The following TRPM6 variants were observed in gnomAD, a reference collection of about 807,000 sequenced individuals.
TRPM6 encodes the protein transient receptor potential cation channel subfamily M member 6.
TRPM6 carries 111 observed loss-of-function variants against 247.6 expected under a neutral mutation model. The observed-to-expected ratio is 0.45, with a 90% confidence interval of 0.38 to 0.52. The LOEUF (loss-of-function observed/expected upper bound fraction) is 0.52. Among genes scored for constraint, TRPM6 ranks in the 20% least tolerant of loss-of-function variants. The pLI, the probability that TRPM6 is intolerant of heterozygous loss-of-function variation, is 0.00. For synonymous variants in TRPM6, 892 were observed against 853.8 expected, an observed-to-expected ratio of 1.04 and a Z score of -0.78; for missense variants, 2,126 against 2,421.5, an observed-to-expected ratio of 0.88 and a Z score of 2.56.
At chr9:74,843,328 G>A (rs906400275) in intron 3 of TRPM6, among the ~76,000 whole-genome samples, 2 of 151,996 alleles carry the variant, frequency 1.3e-5, no homozygotes, top group South Asian at 4.1e-4. Context: ...CATGAAAGTT[G>A]GGATCAGCAT....
chr9:74,764,950 A>C (rs1456950360), intron 25 of TRPM6, among the ~76,000 whole-genome samples: 3 of 152,212 alleles, frequency 2.0e-5, no homozygotes, highest in Non-Finnish European at 4.4e-5. Context: ...ATGTAATCAG[A>C]GATGAAAATT....
chr9:74,794,692 G>A (rs950137259), intron 18 of TRPM6, among the ~76,000 whole-genome samples: 4 of 152,088 alleles, frequency 2.6e-5, no homozygotes, highest in South Asian at 2.1e-4. Context: ...ACAGTTTGGA[G>A]TGAATTATAA....
chr9:74,727,335 T>C (rs7032290), intron 38 of TRPM6, among the ~76,000 whole-genome samples: 5,616 of 148,786 alleles, frequency 0.038, 357 homozygotes, highest in African/African-American at 0.13. Context: ...TGAGCTGAAA[T>C]TGCGCCACTG....
At position 74,827,888 on chromosome 9, in the gene TRPM6, A is replaced by C. The variant is rs377261600; in HGVS notation, c.731T>G (p.Met244Arg). The C allele has an allele frequency of 6.2e-7, 1 of 1,613,958 alleles. No individual in the cohort carries two copies. The highest frequency in any genetic ancestry group is 8.5e-7 in the Non-Finnish European group (1 of 1,180,032). The change falls in exon 7 of 39, where the codon ATG becomes AGG. Residue 244 changes from methionine (M) to arginine (R), a missense_variant. By Grantham distance (91) the Met-to-Arg change is moderately conservative (BLOSUM62 -1). Around this residue, in one of 3 missense-constraint regions of TRPM6, gnomAD observed 1,082 missense variants for 1,307.9 expected, o/e 0.83. Coordinates refer to ENST00000360774, the MANE Select transcript of TRPM6 (RefSeq NM_017662.5). ...ATCAGACAGGATGAAGTGCGAGTGC[A>C]TGCTGTTGAGTGTTGTGAGCTTGCT... ...PLSKLTTLNS[M>R]HSHFILSDDG...
intron 25 of TRPM6, among the ~76,000 whole-genome samples, chr9:74,768,521 T>C (rs1241747539): frequency 1.3e-5 from 2 of 152,182 alleles, no homozygotes; most frequent in Non-Finnish European, 2.9e-5. Context: ...AACTTATTGC[T>C]TTCTCTCACA....
At chr9:74,728,777 T>G (rs1312969052) in intron 37 of TRPM6, among the ~76,000 whole-genome samples, 1 of 152,196 alleles carries the variant, frequency 6.6e-6, no homozygotes, top group Non-Finnish European at 1.5e-5. Context: ...GCATAGACAT[T>G]GTTTCAAACC....
intron 14 of TRPM6, among the ~76,000 whole-genome samples, chr9:74,804,149 A>G (rs1248082307): frequency 6.6e-6 from 1 of 152,168 alleles, no homozygotes; most frequent in Non-Finnish European, 1.5e-5. Context: ...TTTGTTCCCT[A>G]TTATATATCT....
At chr9:74,836,405 T>C (rs558136544) in intron 5 of TRPM6, among the ~76,000 whole-genome samples, 2 of 152,162 alleles carry the variant, frequency 1.3e-5, no homozygotes, top group Non-Finnish European at 2.9e-5. Flanking sequence ...TCCTCATTCC[T>C]GGCATCTTCC....
chr9:74,732,765 C>A (rs1368775607), intron 36 of TRPM6, 29 bp from the exon 37 acceptor site: 2 of 1,541,748 alleles, frequency 1.3e-6, no homozygotes, highest in Non-Finnish European at 1.8e-6. Flanking sequence ...ATTCGTTTAG[C>A]AAATGGAGAT....
intron 36 of TRPM6, among the ~76,000 whole-genome samples, chr9:74,733,422 G>T (rs540222720): frequency 2.4e-4 from 36 of 152,212 alleles, no homozygotes; most frequent in African/African-American, 7.9e-4. Flanking sequence ...TCAAATGATT[G>T]TTTTAGTGGT....
chr9:74,804,024 G>A lies in TRPM6; in HGVS notation c.1639-138C>T, dbSNP rs1260800862. ...AATAATGAAAACCAAATATAATGTTGTGTCCTACCAAATATCCATGCCTCT... is the reference window on the plus strand; with the variant it reads ...AATAATGAAAACCAAATATAATGTTATGTCCTACCAAATATCCATGCCTCT... On this transcript the variant is annotated intron_variant, in intron 14 of 38. Transcript: ENST00000360774. 3 of 702,996 alleles carry A rather than the reference G, an allele frequency of 4.3e-6. No homozygotes were observed. In the African/African-American group the frequency reaches 5.6e-5, roughly 13 times the overall value. 43.5% of individuals were successfully genotyped at this position (702,996 alleles called of 1,614,324 possible).
chr9:74,853,380 G>A (rs147768734), intron 3 of TRPM6, among the ~76,000 whole-genome samples: 3,152 of 152,322 alleles, frequency 0.021, 105 homozygotes, highest in African/African-American at 0.069. Context: ...CATTGAGGGC[G>A]GGCCATGATG....
At chr9:74,821,213 GA>G (rs1829118952) in intron 8 of TRPM6, among the ~76,000 whole-genome samples, 1 of 152,286 alleles carries the variant, frequency 6.6e-6, no homozygotes, top group East Asian at 1.9e-4. Context: ...TTGAGAAGGG[GA>G]AAGAATTAAA....
intron 27 of TRPM6, among the ~76,000 whole-genome samples, chr9:74,757,183 AC>A (rs1826455544): frequency 6.6e-6 from 1 of 150,812 alleles, no homozygotes; most frequent in Non-Finnish European, 1.5e-5. Context: ...GTCTAAAAAA[AC>A]AAACTAACTA....
intron 14 of TRPM6, chr9:74,804,793 G>C: frequency 1.5e-6 from 1 of 659,890 alleles, no homozygotes; most frequent in East Asian, 2.7e-5. Flanking sequence ...GCACGGGCTC[G>C]TAAGCAACAT....
At chr9:74,860,955 C>G (rs7036379) in intron 1 of TRPM6, among the ~76,000 whole-genome samples, 1 of 151,970 alleles carries the variant, frequency 6.6e-6, no homozygotes, top group African/African-American at 2.4e-5. Context: ...CCAAGGAAGT[C>G]GAGGCTGCAG....
At position 74,812,420 on chromosome 9, in the gene TRPM6, T is replaced by C; in HGVS notation, c.1322A>G (p.Glu441Gly). The C allele has an allele frequency of 7.4e-6, 12 of 1,614,002 alleles. No homozygotes were observed. The highest frequency in any genetic ancestry group is 1.0e-5 in the Non-Finnish European group (12 of 1,179,952). ...YEQHWKPDALEQAMSDALVMD... is the reference protein window; with the variant it reads ...YEQHWKPDALGQAMSDALVMD... Reference sequence around the variant, plus strand: ...CACTAAAGCATCTGACATTGCTTGTTCCAGGGCATCAGGCTTCAGAAAGCA... The same window carrying C: ...CACTAAAGCATCTGACATTGCTTGTCCCAGGGCATCAGGCTTCAGAAAGCA... The change falls in exon 12 of 39, where the codon GAA becomes GGA. Residue 441 changes from glutamate (E) to glycine (G), a missense_variant. Physicochemically the swap from Glu to Gly is moderately conservative, Grantham distance 98. Around this residue, in one of 3 missense-constraint regions of TRPM6, gnomAD observed 1,082 missense variants for 1,307.9 expected, o/e 0.83. Transcript: ENST00000360774.
chr9:74,728,105 CAG>C (rs1293300437), intron 38 of TRPM6, 132 bp downstream of exon 38: 8 of 782,212 alleles, frequency 1.0e-5, no homozygotes, highest in African/African-American at 6.9e-5. Context: ...ATTTTGCAGT[CAG>C]AGAGTCAGGC....
intron 28 of TRPM6, among the ~76,000 whole-genome samples, chr9:74,752,938 C>T (rs866202728): frequency 3.9e-5 from 6 of 152,082 alleles, no homozygotes; most frequent in Middle Eastern, 6.8e-3. Flanking sequence ...CATGGAGAAA[C>T]CCTGTCTCTA....
Sources: gnomAD v4.1 joint callset for allele counts (sites outside exome capture counted in the v4.1 genomes callset) on GRCh38, gnomAD v4.1.1 for gene constraint, gnomAD v4.1.1 regional missense constraint, MANE v1.5 for transcripts, NCBI Gene and HGNC (gene_info 2026-07-23, HGNC 2026-07-21) for gene names.